Variants in ZSWIM6 observed in about 807,000 individuals in gnomAD.
The protein encoded by ZSWIM6 is zinc finger SWIM domain-containing protein 6.
Under a neutral mutation model 113.2 loss-of-function variants are expected in ZSWIM6, and 9 were observed. The observed-to-expected ratio is 0.08, with a 90% CI of 0.05 to 0.14. The LOEUF (loss-of-function observed/expected upper bound fraction) is 0.14. Ranked by LOEUF, ZSWIM6 falls within the 10% of genes least tolerant of loss-of-function variation. The pLI, the probability that ZSWIM6 is intolerant of heterozygous loss-of-function variation, is 1.00. For synonymous variants in ZSWIM6, 611 were observed against 606.5 expected (o/e 1.01, Z -0.11); for missense variants, 1,162 against 1,552.2 (o/e 0.75, Z 4.22).
chr5:61,378,272 A>G (rs1333226077), intron 1 of ZSWIM6, among the ~76,000 whole-genome samples: 1 of 152,236 alleles, frequency 6.6e-6, no homozygotes, highest in African/African-American at 2.4e-5. Flanking sequence ...TTAAATAAAA[A>G]TTTGTCCATC....
chr5:61,515,187 G>C (rs1289054788), intron 4 of ZSWIM6, among the ~76,000 whole-genome samples: 12 of 152,148 alleles, frequency 7.9e-5, no homozygotes, highest in Non-Finnish European at 1.6e-4. Context: ...GTATCTCTGA[G>C]ATCTATAATG....
At chr5:61,513,957 C>A (rs75994312) in intron 4 of ZSWIM6, among the ~76,000 whole-genome samples, 22,002 of 151,996 alleles carry the variant, frequency 0.14, 1,738 homozygotes, top group Non-Finnish European at 0.18. Flanking sequence ...CATTTCTTGT[C>A]ACTATACACA....
intron 1 of ZSWIM6, among the ~76,000 whole-genome samples, chr5:61,354,049 T>A (rs758775964): frequency 1.4e-4 from 22 of 152,230 alleles, no homozygotes; most frequent in Non-Finnish European, 2.9e-4. Flanking sequence ...CGCTTTGTTT[T>A]AGGAAACTCT....
At chr5:61,379,759 CA>C (rs1399638124) in intron 1 of ZSWIM6, among the ~76,000 whole-genome samples, 1 of 152,094 alleles carries the variant, frequency 6.6e-6, no homozygotes, top group Non-Finnish European at 1.5e-5. Context: ...TGCCTTCCCA[CA>C]AAAACAAATA....
chr5:61,370,395 A>G (rs1745241590), intron 1 of ZSWIM6, among the ~76,000 whole-genome samples: 1 of 152,118 alleles, frequency 6.6e-6, no homozygotes, highest in South Asian at 2.1e-4. Context: ...TCCTCCTTGT[A>G]TTTCCTATGC....
intron 1 of ZSWIM6, among the ~76,000 whole-genome samples, chr5:61,421,399 A>G (rs1052548986): frequency 2.0e-5 from 3 of 152,162 alleles, no homozygotes; most frequent in Non-Finnish European, 4.4e-5. Context: ...ACTTAACATA[A>G]TGACCTCCAG....
At chr5:61,400,815 C>G (rs1745928064) in intron 1 of ZSWIM6, among the ~76,000 whole-genome samples, 1 of 152,078 alleles carries the variant, frequency 6.6e-6, no homozygotes, top group African/African-American at 2.4e-5. Flanking sequence ...AAATGTTGAC[C>G]AGGGCAACAT....
chr5:61,439,648 C>G (rs1746783528), intron 1 of ZSWIM6, among the ~76,000 whole-genome samples: 1 of 152,104 alleles, frequency 6.6e-6, no homozygotes, highest in South Asian at 2.1e-4. Flanking sequence ...GTGGACATTA[C>G]TGTTGCTTCC....
chr5:61,422,567 C>G (rs1360792965), intron 1 of ZSWIM6, among the ~76,000 whole-genome samples: 1 of 152,068 alleles, frequency 6.6e-6, no homozygotes, highest in African/African-American at 2.4e-5. Context: ...TGGTTCCATA[C>G]AAAGTTTAGG....
At chr5:61,478,772 G>C (rs1747777320) in intron 2 of ZSWIM6, among the ~76,000 whole-genome samples, 1 of 151,910 alleles carries the variant, frequency 6.6e-6, no homozygotes, top group Non-Finnish European at 1.5e-5. Flanking sequence ...AGAAATGCCA[G>C]AATGAATGAT....
chr5:61,522,135 A>G (rs1749148551), intron 5 of ZSWIM6, among the ~76,000 whole-genome samples: 3 of 139,986 alleles, frequency 2.1e-5, no homozygotes, highest in South Asian at 4.5e-4. Flanking sequence ...CTCCCTCTCT[A>G]TTGTACCTAT....
At chr5:61,500,216 T>C (rs749810926) in intron 4 of ZSWIM6, among the ~76,000 whole-genome samples, 11 of 151,754 alleles carry the variant, frequency 7.2e-5, no homozygotes, top group Non-Finnish European at 1.2e-4. Context: ...AATCTCTGCC[T>C]CCCAGGTTCC....
chr5:61,457,278 C>T (rs1028052271), intron 1 of ZSWIM6, among the ~76,000 whole-genome samples: 2 of 152,126 alleles, frequency 1.3e-5, no homozygotes, highest in Non-Finnish European at 2.9e-5. Flanking sequence ...TATTATGAAA[C>T]GTTTGATGAG....
intron 5 of ZSWIM6, among the ~76,000 whole-genome samples, chr5:61,522,690 C>T (rs975021716): frequency 1.3e-5 from 2 of 152,086 alleles, no homozygotes; most frequent in African/African-American, 2.4e-5. Flanking sequence ...TTAATAACTT[C>T]GAAGAAAATA....
rs751354754 is a variant in ZSWIM6 at position 61,538,857 on chromosome 5, C to T, written c.2425C>T (p.Arg809Cys). ...TACTGCTCCATCAGGAGACCTCACC[C>T]GCCCACACCACATTGCATCAGTTGT... ...ESTAPSGDLTRPHHIASVVPN... is the reference protein window; with the variant it reads ...ESTAPSGDLTCPHHIASVVPN... The change falls in exon 11 of 14, where the codon CGC (arginine) becomes TGC (cysteine). Residue 809 changes from arginine to cysteine, a missense_variant. Around this residue, in one of 4 missense-constraint regions of ZSWIM6, gnomAD observed 620 missense variants for 804.6 expected, o/e 0.77. Coordinates refer to ENST00000252744, the MANE Select transcript of ZSWIM6 (RefSeq NM_020928.2). 2 of 1,552,174 alleles carry T rather than the reference C, an allele frequency of 1.3e-6. No individual in the cohort carries two copies. The highest frequency in any genetic ancestry group is 1.4e-5 in the African/African-American group (1 of 73,044).
chr5:61,490,438 A>AT (rs58234165), intron 2 of ZSWIM6, among the ~76,000 whole-genome samples: 1 of 152,078 alleles, frequency 6.6e-6, no homozygotes, highest in African/African-American at 2.4e-5. Flanking sequence ...TTTGAAAGAC[A>AT]TTTTTTCCAG....
At chr5:61,340,414 A>C (rs1156286662) in intron 1 of ZSWIM6, among the ~76,000 whole-genome samples, 1 of 152,198 alleles carries the variant, frequency 6.6e-6, no homozygotes. Context: ...CCCAGGTGTA[A>C]TTTGAATGTT....
At chr5:61,374,762 A>C (rs1745334839) in intron 1 of ZSWIM6, among the ~76,000 whole-genome samples, 1 of 151,948 alleles carries the variant, frequency 6.6e-6, no homozygotes, top group African/African-American at 2.4e-5. Flanking sequence ...TCACTGTGTT[A>C]GCCAGGATGG....
intron 1 of ZSWIM6, chr5:61,391,278 G>T: frequency 2.3e-6 from 2 of 877,066 alleles, no homozygotes; most frequent in African/African-American, 1.6e-5. Context: ...CAAGCCTCTC[G>T]TGGGCCCAGT....
Sources: gnomAD v4.1 joint callset for allele counts (sites outside exome capture counted in the v4.1 genomes callset) on GRCh38, gnomAD v4.1.1 for gene constraint, gnomAD v4.1.1 regional missense constraint, MANE v1.5 for transcripts, NCBI Gene and HGNC (gene_info 2026-07-23, HGNC 2026-07-21) for gene names.